HTT: variants seen among roughly 807,000 people sequenced by gnomAD.
The protein encoded by HTT is huntingtin.
Under a neutral mutation model 362.3 loss-of-function variants are expected in HTT, and 104 were observed. That is an observed-to-expected ratio of 0.29 (90% CI 0.24 to 0.34). The LOEUF is 0.34. Among genes scored for constraint, HTT ranks in the 10% least tolerant of loss-of-function variants. The pLI is 1.00. For missense variants in HTT, 3,301 were observed against 3,928.6 expected, an observed-to-expected ratio of 0.84 and a Z score of 4.27; for synonymous variants, 1,577 against 1,548.7, an observed-to-expected ratio of 1.02 and a Z score of -0.43.
At position 3,235,793 on chromosome 4, in the gene HTT, G is replaced by T. The variant is rs141307753; in HGVS notation, c.8785+15G>T. On this transcript the variant is annotated intron_variant, in intron 63 of 66. Coordinates refer to ENST00000355072, the MANE Select transcript of HTT (RefSeq NM_001388492.1). ...CATGTACACAGGTGAGCATGTACAC[G>T]GTGCCCATAAGGCCAGCCCAAGTCC... 1.3e-6 allele frequency: 2 copies of T among 1,592,190 alleles called. No homozygotes were observed. The highest frequency in any genetic ancestry group is 1.8e-4 in the Middle Eastern group (1 of 5,578).
rs191825064 is a variant in HTT at position 3,118,117 on chromosome 4, T to C, written c.1068+1854T>C. Among the ~76,000 whole-genome samples the C allele has an allele frequency of 2.0e-5, 3 of 152,348 alleles. No individual in the cohort carries two copies. The East Asian group carries it at 5.8e-4, about 29-fold the overall frequency. ...TCTGATATACTGCTTCCATCTCCAC[T>C]GTGTAAATTAACACCTTTTTCTCTT... On this transcript the variant is annotated intron_variant, in intron 8 of 66. Transcript: ENST00000355072.
In HTT at chr4:3,140,500, T is replaced by A. The variant is rs528964492; in HGVS notation, c.2799-10T>A. 10 of 1,613,502 alleles carry A rather than the reference T, an allele frequency of 6.2e-6. No individual in the cohort carries two copies. In the South Asian group the frequency reaches 1.1e-4, roughly 18 times the overall value. On this transcript the variant is annotated splice_polypyrimidine_tract_variant and intron_variant, in intron 21 of 66. Coordinates refer to ENST00000355072, the MANE Select transcript of HTT (RefSeq NM_001388492.1). ...CTTTCTTAAGCAAATTAACCTTACTTTTGTGTTAGGCTTGTCCCAAAGCTG... is the reference window on the plus strand; with the variant it reads ...CTTTCTTAAGCAAATTAACCTTACTATTGTGTTAGGCTTGTCCCAAAGCTG...
chr4:3,198,556 C>T (rs1263988245), intron 40 of HTT, among the ~76,000 whole-genome samples: 1 of 152,152 alleles, frequency 6.6e-6, no homozygotes, highest in Non-Finnish European at 1.5e-5. Flanking sequence ...AATTTTGATC[C>T]CAACAGTGAT....
chr4:3,154,467 A>T (rs749098406), intron 27 of HTT, 48 bp downstream of exon 27: 1 of 1,592,114 alleles, frequency 6.3e-7, no homozygotes, highest in Non-Finnish European at 8.5e-7. Flanking sequence ...AGCATCTGTC[A>T]TGTAGAAACA....
At chr4:3,096,243 G>C (rs978234211) in intron 2 of HTT, among the ~76,000 whole-genome samples, 6 of 152,218 alleles carry the variant, frequency 3.9e-5, no homozygotes, top group African/African-American at 1.4e-4. Flanking sequence ...AAGCCTGACA[G>C]AACTACAAGT....
chr4:3,183,544 A>G (rs1210516496), intron 37 of HTT, among the ~76,000 whole-genome samples: 1 of 152,210 alleles, frequency 6.6e-6, no homozygotes, highest in Non-Finnish European at 1.5e-5. Context: ...GAGGCATGTG[A>G]TATTGATGTT....
Position 3,130,410 on chromosome 4 carries a change from A to T in HTT, c.1973A>T (p.Asp658Val). The T allele has an allele frequency of 1.3e-6, 2 of 1,591,518 alleles. No individual in the cohort carries two copies. Among genetic ancestry groups the T allele is most frequent in the Non-Finnish European group, 1.7e-6 (2 of 1,164,428 alleles). The change falls in exon 14 of 67, where the codon GAT becomes GTT. Residue 658 changes from aspartate (D) to valine (V), a missense_variant. Physicochemically the swap from Asp to Val is radical, Grantham distance 152. Coordinates refer to ENST00000355072, the MANE Select transcript of HTT (RefSeq NM_001388492.1). ...VLRDEATEPG[D>V]QENKPCRIKG... The stretch of plus-strand genomic sequence containing the variant: ...AGAGATGAAGCTACTGAACCGGGTG[A>T]TCAAGAAAACAAGGTGAGGGACATA...
chr4:3,116,392 C>T (rs1030821678), intron 8 of HTT, 129 bp downstream of exon 8: 2 of 726,818 alleles, frequency 2.8e-6, no homozygotes, highest in Non-Finnish European at 2.2e-6. Context: ...CTGCTCGTTT[C>T]CAACCCTAGG....
chr4:3,150,621 C>T (rs1168744761), intron 26 of HTT, among the ~76,000 whole-genome samples: 2 of 152,226 alleles, frequency 1.3e-5, no homozygotes, highest in African/African-American at 4.8e-5. Flanking sequence ...CATTTCCACT[C>T]ACCAAGTCTT....
At position 3,228,866 on chromosome 4, in the gene HTT, C is replaced by T. The variant is rs780401652; in HGVS notation, c.7980-14C>T. The T allele has an allele frequency of 2.4e-5, 38 of 1,609,082 alleles. No homozygotes were observed. The highest frequency in any genetic ancestry group is 1.3e-4 in the South Asian group (12 of 90,908). On this transcript the variant is annotated splice_polypyrimidine_tract_variant and intron_variant, in intron 58 of 66. Coordinates refer to ENST00000355072, the MANE Select transcript of HTT (RefSeq NM_001388492.1). This position sits in a 1 kb window ranked among gnomAD's most constrained non-coding sequence, Gnocchi z 4.3. ...TCATGTACTTGGAAAATACCCATCTCGCATATTCCACAGGAAACACCGGGC... is the reference window on the plus strand; with the variant it reads ...TCATGTACTTGGAAAATACCCATCTTGCATATTCCACAGGAAACACCGGGC...
chr4:3,080,631 T>G (rs1456133036), intron 1 of HTT, among the ~76,000 whole-genome samples: 1 of 152,262 alleles, frequency 6.6e-6, no homozygotes, highest in Non-Finnish European at 1.5e-5. Flanking sequence ...CTATTTTGTC[T>G]TTGGTTGCTG....
intron 59 of HTT, among the ~76,000 whole-genome samples, chr4:3,229,536 CAT>C (rs759678876): frequency 1.3e-5 from 2 of 150,608 alleles, no homozygotes; most frequent in African/African-American, 2.4e-5. Flanking sequence ...GCACCACACA[CAT>C]GCCACACACA....
rs1212277690 is a variant in HTT at position 3,225,898 on chromosome 4, GT to G, written c.7848+159del. ...AATTTAATGTTCATTGTTTTTATCT[GT>G]TTTATTCCTAGGTCCCGCAAGCAGA... is the stretch of plus-strand genomic sequence containing the variant. On this transcript the variant is annotated intron_variant, in intron 57 of 66. Coordinates refer to ENST00000355072, the MANE Select transcript of HTT (RefSeq NM_001388492.1). 2.6e-5 allele frequency among the ~76,000 whole-genome samples: 4 copies of G among 151,996 alleles called. No individual in the cohort carries two copies. The East Asian group carries it at 7.7e-4, about 29-fold the overall frequency.
intron 1 of HTT, among the ~76,000 whole-genome samples, chr4:3,080,836 G>A (rs1230473045): frequency 6.6e-6 from 1 of 152,204 alleles, no homozygotes; most frequent in Non-Finnish European, 1.5e-5. Flanking sequence ...AGCACTGTTT[G>A]TTGAAGAGAC....
intron 29 of HTT, among the ~76,000 whole-genome samples, chr4:3,169,569 C>T (rs960716205): frequency 1.3e-5 from 2 of 151,730 alleles, no homozygotes; most frequent in Non-Finnish European, 2.9e-5. Context: ...TTAATCCTGT[C>T]CAGCGTATTT....
chr4:3,085,346 A>T (rs1345710707), intron 1 of HTT, among the ~76,000 whole-genome samples: 1 of 152,124 alleles, frequency 6.6e-6, no homozygotes, highest in Non-Finnish European at 1.5e-5. Flanking sequence ...CATGCTGGCC[A>T]GGCTGGTCTC....
intron 29 of HTT, among the ~76,000 whole-genome samples, chr4:3,170,480 T>C (rs1717919775): frequency 6.6e-6 from 1 of 152,174 alleles, no homozygotes; most frequent in Non-Finnish European, 1.5e-5. Flanking sequence ...TCCTTTCCAA[T>C]GCTTCTTTCC....
chr4:3,212,892 C>T lies in HTT; in HGVS notation c.6774+183C>T, dbSNP rs536898522. 9.5e-4 allele frequency: 602 copies of T among 634,524 alleles called. 6 individuals are homozygous for T. In the African/African-American group the frequency reaches 9.9e-3, roughly 10 times the overall value. 39.3% of individuals were successfully genotyped at this position (634,524 alleles called of 1,614,324 possible). ...TTGTAGCCATCCTTCACCCTCACCT[C>T]GCCACTCCTCATGGTGGCCTGTGAG... On this transcript the variant is annotated intron_variant, in intron 49 of 66. Coordinates refer to ENST00000355072, the MANE Select transcript of HTT (RefSeq NM_001388492.1).
At chr4:3,221,658 C>G (rs765770736) in intron 53 of HTT, among the ~76,000 whole-genome samples, 1 of 152,220 alleles carries the variant, frequency 6.6e-6, no homozygotes, top group Non-Finnish European at 1.5e-5. Context: ...TCTCTCTGGC[C>G]TTACCACAAG....
Sources: gnomAD v4.1 joint callset for allele counts (sites outside exome capture counted in the v4.1 genomes callset) on GRCh38, gnomAD v4.1.1 for gene constraint, Gnocchi (gnomAD v3.1) non-coding constraint, MANE v1.5 for transcripts, NCBI Gene and HGNC (gene_info 2026-07-23, HGNC 2026-07-21) for gene names.